Variants in ADGRL1 observed in about 807,000 individuals in gnomAD.
ADGRL1 encodes adhesion G protein-coupled receptor L1.
A neutral mutation model predicts 148.9 loss-of-function variants in ADGRL1; 31 were observed. The observed-to-expected ratio is 0.21, with a 90% confidence interval of 0.16 to 0.28. The LOEUF is 0.28. Among genes scored for constraint, ADGRL1 ranks in the 10% least tolerant of loss-of-function variants. The pLI is 1.00. For missense variants in ADGRL1, 1,521 were observed against 2,058.8 expected (o/e 0.74, Z 5.05); for synonymous variants, 937 against 900.3 (o/e 1.04, Z -0.73).
intron 3 of ADGRL1, 119 bp from the exon 4 acceptor site, chr19:14,170,910 G>A (rs1568600624): frequency 1.1e-5 from 7 of 620,712 alleles, no homozygotes; most frequent in Non-Finnish European, 2.1e-5. Flanking sequence ...GGGCAGTGGA[G>A]CTGGAAACCA....
At chr19:14,165,703 G>C (rs1011974106) in intron 4 of ADGRL1, among the ~76,000 whole-genome samples, 1 of 151,952 alleles carries the variant, frequency 6.6e-6, no homozygotes, top group African/African-American at 2.4e-5. Flanking sequence ...AGAAAGAGAG[G>C]AGACTGGAGG....
Position 14,183,543 on chromosome 19 carries a change from C to A in ADGRL1, c.60G>T (p.Ser20=). ...NLCVTAVLVT[S]ATQGLSRAGL... is the part of the protein sequence containing the mutation. ...CCCAGCAGCACCTACCTTGGGTGGC[C>A]GAGGTGACCAGGACGGCGGTGACAC... is the stretch of plus-strand genomic sequence containing the variant. The change falls in exon 2 of 23, where the codon TCG becomes TCT. Residue 20 remains serine (S), a synonymous_variant. Coordinates refer to ENST00000361434, the MANE Select transcript of ADGRL1 (RefSeq NM_014921.5). 1 of 1,577,932 alleles carries A rather than the reference C, an allele frequency of 6.3e-7. No individual in the cohort carries two copies. Among genetic ancestry groups the A allele is most frequent in the African/African-American group, 1.3e-5 (1 of 74,180 alleles).
At chr19:14,195,247 C>T (rs1482161727) in intron 1 of ADGRL1, among the ~76,000 whole-genome samples, 2 of 152,150 alleles carry the variant, frequency 1.3e-5, no homozygotes, top group East Asian at 3.9e-4. Flanking sequence ...CCTGTATGTT[C>T]GCATCTAAGC....
At chr19:14,199,679 A>T (rs1012970050) in intron 1 of ADGRL1, among the ~76,000 whole-genome samples, 1 of 152,136 alleles carries the variant, frequency 6.6e-6, no homozygotes, top group Non-Finnish European at 1.5e-5. Context: ...TCATCCTCCC[A>T]AAGTGCTGGG....
At chr19:14,175,364 C>T (rs926550024) in intron 3 of ADGRL1, among the ~76,000 whole-genome samples, 18 of 151,364 alleles carry the variant, frequency 1.2e-4, no homozygotes, top group Admixed American at 2.0e-4. Context: ...GTTAAATACA[C>T]AAAGACACAG....
Position 14,160,231 on chromosome 19 carries a change from A to G in ADGRL1, c.1681T>C (p.Tyr561His). ...ELARHTRGSIYAGDVSSSVKL... is the reference protein window; with the variant it reads ...ELARHTRGSIHAGDVSSSVKL... ...ACAGAGGAGGAGACGTCCCCCGCGTAGATGGAGCCCCGGGTGTGTCGGGCC... is the reference window on the plus strand; with the variant it reads ...ACAGAGGAGGAGACGTCCCCCGCGTGGATGGAGCCCCGGGTGTGTCGGGCC... Residue 561 changes from tyrosine to histidine, a missense_variant, in exon 8 of 23, where the codon TAC becomes CAC. Physicochemically the swap from Tyr to His is moderately conservative, Grantham distance 83. Transcript: ENST00000361434. This position sits in a 1 kb window ranked among gnomAD's most constrained non-coding sequence, Gnocchi z 5.9. 2 of 1,600,520 alleles carry G rather than the reference A, an allele frequency of 1.2e-6. No individual in the cohort carries two copies. Among genetic ancestry groups the G allele is most frequent in the Non-Finnish European group, 1.7e-6 (2 of 1,168,914 alleles).
At position 14,163,063 on chromosome 19, in the gene ADGRL1, G is replaced by C. The variant is rs768649426; in HGVS notation, c.738C>G (p.Thr246=). The C allele has an allele frequency of 1.1e-5, 17 of 1,613,976 alleles. No individual in the cohort carries two copies. In the African/African-American group the frequency reaches 2.1e-4, roughly 20 times the overall value. Residue 246 remains threonine, a synonymous_variant, in exon 5 of 23, where the codon ACC becomes ACG. Transcript: ENST00000361434. ...AGGGCGAGGTGTCATGGTAGTTGGC[G>C]GTATTGATGACCGTCTCCCCGCTCT... ...RIKSGETVIN[T]ANYHDTSPYR...
chr19:14,205,619 G>A (rs1463168530), intron 1 of ADGRL1, among the ~76,000 whole-genome samples: 2 of 151,818 alleles, frequency 1.3e-5, no homozygotes, highest in East Asian at 2.0e-4. Flanking sequence ...GGGACACGCA[G>A]GCACCGCCGC....
intron 3 of ADGRL1, among the ~76,000 whole-genome samples, chr19:14,176,602 C>T (rs560339624): frequency 3.3e-5 from 5 of 151,780 alleles, no homozygotes; most frequent in African/African-American, 7.3e-5. Flanking sequence ...TTTGAGAGGC[C>T]GAGGCAGGAG....
rs527871678 is a variant in ADGRL1 at position 14,188,802 on chromosome 19, C to A, written c.-95-5105G>T. ...TTTTTTTCTTTTTTTGAGACGGAGT[C>A]TCACTTTGTCACCGGGGCTGGAGTG... On this transcript the variant is annotated intron_variant, in intron 1 of 22. Coordinates refer to ENST00000361434, the MANE Select transcript of ADGRL1 (RefSeq NM_014921.5). Among the ~76,000 whole-genome samples, 4 of 152,306 alleles carry A rather than the reference C, an allele frequency of 2.6e-5. No individual in the cohort carries two copies. The East Asian group carries it at 7.7e-4, about 29-fold the overall frequency.
intron 12 of ADGRL1, 54 bp from the exon 13 acceptor site, chr19:14,158,106 C>T: frequency 6.4e-7 from 1 of 1,563,258 alleles, no homozygotes; most frequent in Non-Finnish European, 8.8e-7. Context: ...CGGGGAGTCC[C>T]ATTCCGACCC....
intron 4 of ADGRL1, among the ~76,000 whole-genome samples, chr19:14,168,435 CGT>C (rs145434293): frequency 7.8e-4 from 119 of 151,988 alleles, no homozygotes; most frequent in African/African-American, 2.5e-3. Context: ...CATGTCTGCG[CGT>C]GTGTGTGTGT....
At chr19:14,188,294 C>T (rs993756006) in intron 1 of ADGRL1, among the ~76,000 whole-genome samples, 8 of 152,076 alleles carry the variant, frequency 5.3e-5, no homozygotes, top group African/African-American at 1.7e-4. Flanking sequence ...GAGCAGTACA[C>T]GTACACGCTG....
chr19:14,159,960 G>C lies in ADGRL1; in HGVS notation c.1800+152C>G. On this transcript the variant is annotated intron_variant, in intron 8 of 22. Coordinates refer to ENST00000361434, the MANE Select transcript of ADGRL1 (RefSeq NM_014921.5). This position sits in a 1 kb window ranked among gnomAD's most constrained non-coding sequence, Gnocchi z 6.0. ...CCGGGGCAGCACAGGAGTGAGACCC[G>C]GCAGTCCTTGGCGGAGAGGGGGGGG... 1.0e-6 allele frequency: 1 copy of C among 980,316 alleles called. No homozygotes were observed. Among genetic ancestry groups the C allele is most frequent in the Non-Finnish European group, 1.5e-6 (1 of 667,100 alleles). 60.7% of individuals were successfully genotyped at this position (980,316 alleles called of 1,614,324 possible). A position where few individuals can be genotyped will look rare whatever the true frequency, so the allele number is the denominator to read the frequency against.
intron 1 of ADGRL1, among the ~76,000 whole-genome samples, chr19:14,198,424 C>G (rs1972403353): frequency 6.6e-6 from 1 of 152,170 alleles, no homozygotes; most frequent in Admixed American, 6.5e-5. Flanking sequence ...AAACCTGAAG[C>G]TTCCACCAAG....
At position 14,159,011 on chromosome 19, in the gene ADGRL1, G is replaced by T; in HGVS notation, c.2149+79C>A. 6.4e-7 allele frequency: 1 copy of T among 1,562,040 alleles called. No homozygotes were observed. The highest frequency in any genetic ancestry group is 8.7e-7 in the Non-Finnish European group (1 of 1,143,854). ...GTCAGCACCGCTGCCCTCTACAAAT[G>T]GCACAGAGACGCTGGCACAGAGCTG... On this transcript the variant is annotated intron_variant, in intron 11 of 22. Coordinates refer to ENST00000361434, the MANE Select transcript of ADGRL1 (RefSeq NM_014921.5). The surrounding 1 kb of genome is among the most constrained non-coding windows in gnomAD (Gnocchi z 6.0).
At position 14,150,940 on chromosome 19, in the gene ADGRL1, G is replaced by T. The variant is rs150618667; in HGVS notation, c.4343C>A (p.Ala1448Glu). The T allele has an allele frequency of 3.3e-4, 539 of 1,610,472 alleles. 2 individuals carry two copies. Among genetic ancestry groups the T allele is most frequent in the Non-Finnish European group, 4.3e-4 (504 of 1,179,146 alleles). The change falls in exon 23 of 23, where the codon GCA (alanine) becomes GAA (glutamate). Residue 1448 changes from alanine (A) to glutamate (E), a missense_variant. By Grantham distance (107) the Ala-to-Glu change is moderately radical. Around this residue, in one of 8 missense-constraint regions of ADGRL1, gnomAD observed 390 missense variants for 375.0 expected, o/e 1.04. Coordinates refer to ENST00000361434, the MANE Select transcript of ADGRL1 (RefSeq NM_014921.5). ...CCCTGGCCCCTCAAGGCCTGGGGCT[G>T]CCAGGTAGCCCTCGTGGCTAGGACG... is the stretch of plus-strand genomic sequence containing the variant. The part of the protein sequence containing the change: ...VRRPSHEGYL[A>E]APGLEGPGPD...
At chr19:14,197,391 C>A (rs1972327587) in intron 1 of ADGRL1, among the ~76,000 whole-genome samples, 1 of 152,052 alleles carries the variant, frequency 6.6e-6, no homozygotes, top group Non-Finnish European at 1.5e-5. Context: ...ATCTCCCCAT[C>A]TATCTGCCAC....
rs1345701238 is a variant in ADGRL1 at position 14,163,174 on chromosome 19, T to C, written c.627A>G (p.Thr209=). The C allele has an allele frequency of 5.0e-6, 8 of 1,613,648 alleles. No individual in the cohort carries two copies. Among genetic ancestry groups the C allele is most frequent in the Non-Finnish European group, 6.8e-6 (8 of 1,179,948 alleles). Reference sequence around the variant, plus strand: ...CGGCACCATCGTAGACCACAAAGCCTGTGCCATCCACGCGGTTGGGCAGGC... The same window carrying C: ...CGGCACCATCGTAGACCACAAAGCCCGTGCCATCCACGCGGTTGGGCAGGC... The part of the protein sequence containing the change: ...TYRLPNRVDG[T]GFVVYDGAVF... The change falls in exon 5 of 23, where the codon ACA becomes ACG. Residue 209 remains threonine (T), a synonymous_variant. Coordinates refer to ENST00000361434, the MANE Select transcript of ADGRL1 (RefSeq NM_014921.5).
Sources: allele counts gnomAD v4.1 joint callset (sites outside exome capture counted in the v4.1 genomes callset), GRCh38; gene constraint gnomAD v4.1.1; regional missense constraint gnomAD v4.1.1; non-coding constraint Gnocchi (gnomAD v3.1); transcripts MANE v1.5; gene names NCBI Gene and HGNC (gene_info 2026-07-23, HGNC 2026-07-21).